Variants in CNTNAP2 observed in about 807,000 individuals in gnomAD.
CNTNAP2 encodes contactin-associated protein-like 2.
A neutral mutation model predicts 155.2 loss-of-function variants in CNTNAP2; 98 were observed. That is an observed-to-expected ratio of 0.63 (90% CI 0.54 to 0.75). The LOEUF is 0.75. CNTNAP2 is among the 30% of genes least tolerant of loss of function. CNTNAP2 has a pLI of 0.00. For missense variants in CNTNAP2, 1,727 were observed against 1,688.1 expected (o/e 1.02, Z -0.40); for synonymous variants, 651 against 631.2 (o/e 1.03, Z -0.47).
intron 3 of CNTNAP2, among the ~76,000 whole-genome samples, chr7:146,939,543 TG>T (rs1797002234): frequency 6.6e-6 from 1 of 152,206 alleles, no homozygotes; most frequent in African/African-American, 2.4e-5. Flanking sequence ...GCAATAGCTG[TG>T]GGAATGTGAT....
intron 13 of CNTNAP2, among the ~76,000 whole-genome samples, chr7:147,702,460 A>G (rs747570106): frequency 1.3e-5 from 2 of 152,052 alleles, no homozygotes; most frequent in Non-Finnish European, 2.9e-5. Flanking sequence ...AATGTAAGAT[A>G]TGGTCCCACA....
intron 1 of CNTNAP2, among the ~76,000 whole-genome samples, chr7:146,430,171 T>G (rs150183315): frequency 1.6e-5 from 2 of 127,446 alleles, no homozygotes; most frequent in Admixed American, 1.7e-4. Flanking sequence ...GATATTTGCC[T>G]GAAGTTTTTT....
At chr7:147,804,652 C>T (rs1156849506) in intron 13 of CNTNAP2, among the ~76,000 whole-genome samples, 2 of 152,068 alleles carry the variant, frequency 1.3e-5, no homozygotes, top group African/African-American at 4.8e-5. Flanking sequence ...CTCCCAGGCT[C>T]AAGTGATTCT....
At chr7:146,828,141 A>G (rs1803442524) in intron 2 of CNTNAP2, among the ~76,000 whole-genome samples, 1 of 152,084 alleles carries the variant, frequency 6.6e-6, no homozygotes, top group Non-Finnish European at 1.5e-5. Context: ...TGCTCTACAA[A>G]TATTTGCTGA....
intron 8 of CNTNAP2, chr7:147,146,337 G>A (rs1407521780): frequency 6.5e-6 from 1 of 153,318 alleles, no homozygotes; most frequent in Non-Finnish European, 1.5e-5. Context: ...GGAGCAGAGT[G>A]ACAAACAGCT....
At chr7:147,284,909 G>C (rs1250165880) in intron 8 of CNTNAP2, among the ~76,000 whole-genome samples, 1 of 151,828 alleles carries the variant, frequency 6.6e-6, no homozygotes, top group Non-Finnish European at 1.5e-5. Context: ...ACATACAGAA[G>C]CTGCTAGGAG....
Position 147,487,063 on chromosome 7 carries a change from A to G in CNTNAP2, c.1777+1022A>G, listed in dbSNP as rs190131480. ...GGTGACAAGCAAACTATCTCAGAGT[A>G]GAGCCCTGTGTACAGTAAAAATGTC... On this transcript the variant is annotated intron_variant, in intron 11 of 23. Coordinates refer to ENST00000361727, the MANE Select transcript of CNTNAP2 (RefSeq NM_014141.6). 3.5e-3 allele frequency among the ~76,000 whole-genome samples: 533 copies of G among 152,326 alleles called. 4 individuals carry two copies. Among genetic ancestry groups the G allele is most frequent in the Non-Finnish European group, 6.3e-3 (427 of 68,016 alleles).
chr7:147,140,262 C>T (rs1424519312), intron 8 of CNTNAP2, among the ~76,000 whole-genome samples: 1 of 151,838 alleles, frequency 6.6e-6, no homozygotes. Context: ...AGTGTCTTTC[C>T]GAGATTGAAT....
At chr7:148,055,529 C>T (rs534360792) in intron 15 of CNTNAP2, among the ~76,000 whole-genome samples, 1 of 152,296 alleles carries the variant, frequency 6.6e-6, no homozygotes, top group East Asian at 1.9e-4. Flanking sequence ...TCAGCTTCTT[C>T]ATCTGTAAAA....
At chr7:146,635,532 GA>G (rs1219803280) in intron 1 of CNTNAP2, among the ~76,000 whole-genome samples, 2 of 152,110 alleles carry the variant, frequency 1.3e-5, no homozygotes, top group Admixed American at 1.3e-4. Flanking sequence ...AAACATCTCT[GA>G]AAGTGTAAAG....
intron 15 of CNTNAP2, among the ~76,000 whole-genome samples, chr7:148,043,028 A>T (rs35442317): frequency 0.039 from 5,973 of 152,320 alleles, 290 homozygotes; most frequent in East Asian, 0.27. Flanking sequence ...GACAATTTCA[A>T]ATATCAGCTT....
intron 15 of CNTNAP2, among the ~76,000 whole-genome samples, chr7:148,042,246 G>A (rs919485175): frequency 1.1e-4 from 17 of 152,304 alleles, no homozygotes; most frequent in African/African-American, 3.6e-4. Flanking sequence ...TCACGTTTAC[G>A]TGCATCTGGT....
In CNTNAP2 at chr7:147,108,132, T is replaced by TG. The variant is rs201428458; in HGVS notation, c.551-15_551-14insG. 669 of 1,581,714 alleles carry TG rather than the reference T, an allele frequency of 4.2e-4. 2 individuals are homozygous for TG. The African/African-American group carries it at 7.4e-3, about 17-fold the overall frequency. On this transcript the variant is annotated splice_polypyrimidine_tract_variant and intron_variant, in intron 4 of 23. Transcript: ENST00000361727. ...ACATGGCTGAACTAATATGTTATTT[T>TG]TTTTTTTGTTTTAGGGGCTGATGTT...
rs186780187 is a variant in CNTNAP2 at position 147,775,774 on chromosome 7, C to T, written c.2099-127791C>T. Among the ~76,000 whole-genome samples the T allele has an allele frequency of 9.9e-4, 150 of 152,106 alleles. 1 individual carries two copies. The highest frequency in any genetic ancestry group is 2.6e-3 in the Admixed American group (40 of 15,276). On this transcript the variant is annotated intron_variant, in intron 13 of 23. Coordinates refer to ENST00000361727, the MANE Select transcript of CNTNAP2 (RefSeq NM_014141.6). ...GGACTTGGCACTATTAGAACATGTG[C>T]ATGTTATTATATCTATCTGTTGTCT...
intron 4 of CNTNAP2, among the ~76,000 whole-genome samples, chr7:147,095,198 T>G (rs1172596802): frequency 6.7e-6 from 1 of 149,958 alleles, no homozygotes; most frequent in Non-Finnish European, 1.5e-5. Context: ...TTTTTTTTTT[T>G]TTTTTTTTTG....
chr7:148,152,222 G>C (rs918336232), intron 17 of CNTNAP2, among the ~76,000 whole-genome samples: 2 of 151,896 alleles, frequency 1.3e-5, no homozygotes, highest in Non-Finnish European at 2.9e-5. Flanking sequence ...AGAAGGACTG[G>C]AGTTATTACT....
chr7:147,904,328 G>C, intron 14 of CNTNAP2, among the ~76,000 whole-genome samples: 1 of 152,264 alleles, frequency 6.6e-6, no homozygotes, highest in Non-Finnish European at 1.5e-5. Context: ...GCTGGCTTTT[G>C]TTCTGCCCCG....
At chr7:147,735,555 G>A (rs144312683) in intron 13 of CNTNAP2, among the ~76,000 whole-genome samples, 1,577 of 151,874 alleles carry the variant, frequency 0.01, 35 homozygotes, top group African/African-American at 0.036. Flanking sequence ...GTGCAGAGCC[G>A]AGTTCAATTC....
intron 20 of CNTNAP2, among the ~76,000 whole-genome samples, chr7:148,250,062 C>T (rs748647292): frequency 4.6e-5 from 7 of 152,230 alleles, no homozygotes; most frequent in African/African-American, 9.6e-5. Context: ...GAACTAGCCC[C>T]GTGACCCTCC....
Sources: allele counts gnomAD v4.1 joint callset (sites outside exome capture counted in the v4.1 genomes callset), GRCh38; gene constraint gnomAD v4.1.1; transcripts MANE v1.5; gene names NCBI Gene and HGNC (gene_info 2026-07-23, HGNC 2026-07-21).